ERP44: variants seen among roughly 807,000 people sequenced by gnomAD.
ERP44 encodes the protein endoplasmic reticulum resident protein 44.
A neutral mutation model predicts 53.4 loss-of-function variants in ERP44; 25 were observed. That is an observed-to-expected ratio of 0.47 (90% CI 0.34 to 0.65). ERP44 has a LOEUF of 0.65. Ranked by LOEUF, ERP44 falls within the 30% of genes least tolerant of loss-of-function variation. The probability of loss-of-function intolerance (pLI) is 0.01; values close to 1 mark genes in which losing one functional copy is unlikely to be tolerated. For synonymous variants in ERP44, 145 were observed against 161.2 expected (o/e 0.90, Z 0.76); for missense variants, 338 against 493.2 (o/e 0.69, Z 2.98).
At chr9:100,009,006 G>A (rs1340353090) in intron 8 of ERP44, among the ~76,000 whole-genome samples, 1 of 152,136 alleles carries the variant, frequency 6.6e-6, no homozygotes, top group Non-Finnish European at 1.5e-5. Flanking sequence ...GCCTCCCAAA[G>A]TGCTGGAATT....
chr9:100,007,660 G>A lies in ERP44; in HGVS notation c.792C>T (p.Leu264=), dbSNP rs779608928. 8.1e-6 allele frequency: 13 copies of A among 1,598,492 alleles called. No individual in the cohort carries two copies. Among genetic ancestry groups the A allele is most frequent in the Non-Finnish European group, 9.4e-6 (11 of 1,165,828 alleles). ...TATCTTCTTTCATGTGAAAGAGTATGAGAAAAGGCAGTCCTTCTTCTGTCA... is the reference window on the plus strand; with the variant it reads ...TATCTTCTTTCATGTGAAAGAGTATAAGAAAAGGCAGTCCTTCTTCTGTCA... ...EELTEEGLPF[L]ILFHMKEDTE... Residue 264 remains leucine, a synonymous_variant, in exon 9 of 12, where the codon CTC becomes CTT. Coordinates refer to ENST00000262455, the MANE Select transcript of ERP44 (RefSeq NM_015051.3).
At chr9:99,982,820 A>C in intron 11 of ERP44, 107 bp from the exon 12 acceptor site, 1 of 532,658 alleles carries the variant, frequency 1.9e-6, no homozygotes, top group Non-Finnish European at 3.0e-6. Flanking sequence ...TTATTTGCTT[A>C]TTAATCAATA....
chr9:100,065,766 T>C (rs533034905), intron 1 of ERP44, among the ~76,000 whole-genome samples: 16 of 152,318 alleles, frequency 1.1e-4, no homozygotes, highest in Middle Eastern at 3.4e-3. Context: ...AATAAATGAT[T>C]TGAGACTTTC....
intron 1 of ERP44, among the ~76,000 whole-genome samples, chr9:100,094,918 G>A (rs1234085962): frequency 6.6e-6 from 1 of 151,004 alleles, no homozygotes; most frequent in Non-Finnish European, 1.5e-5. Flanking sequence ...GCTGCAGTGA[G>A]CTGTGATCAC....
chr9:100,035,507 C>T (rs1016950920), intron 4 of ERP44, among the ~76,000 whole-genome samples: 1 of 152,034 alleles, frequency 6.6e-6, no homozygotes, highest in African/African-American at 2.4e-5. Flanking sequence ...GAAACGCCAT[C>T]TCTACTAAAA....
intron 1 of ERP44, among the ~76,000 whole-genome samples, chr9:100,061,300 C>T (rs918559763): frequency 2.0e-5 from 3 of 151,478 alleles, no homozygotes; most frequent in African/African-American, 4.9e-5. Flanking sequence ...AAAAATTAGC[C>T]GGGCATGGTG....
chr9:100,069,746 T>C (rs1035263373), intron 1 of ERP44, among the ~76,000 whole-genome samples: 1 of 152,162 alleles, frequency 6.6e-6, no homozygotes, highest in Non-Finnish European at 1.5e-5. Flanking sequence ...ATATAGATAA[T>C]ACAAATCCTT....
intron 5 of ERP44, among the ~76,000 whole-genome samples, chr9:100,021,727 C>T (rs1396936877): frequency 2.6e-5 from 4 of 152,194 alleles, no homozygotes; most frequent in Non-Finnish European, 5.9e-5. Context: ...AAGCTCTCCA[C>T]AAGAAAAATA....
chr9:100,026,295 T>C (rs1167343179), intron 4 of ERP44, among the ~76,000 whole-genome samples: 3 of 152,176 alleles, frequency 2.0e-5, no homozygotes, highest in African/African-American at 7.2e-5. Context: ...CCTGCAACCC[T>C]GTATCAAGAC....
chr9:100,034,155 A>G (rs1297354187), intron 4 of ERP44, among the ~76,000 whole-genome samples: 1 of 152,206 alleles, frequency 6.6e-6, no homozygotes, highest in Non-Finnish European at 1.5e-5. Context: ...GGTTGGCACA[A>G]GATACAGATC....
chr9:100,043,479 G>A (rs772424139), intron 4 of ERP44, among the ~76,000 whole-genome samples: 3 of 151,932 alleles, frequency 2.0e-5, no homozygotes, highest in Non-Finnish European at 4.4e-5. Flanking sequence ...TTTTGGCCTG[G>A]CGCAGTGGCT....
intron 3 of ERP44, among the ~76,000 whole-genome samples, chr9:100,053,746 T>A (rs1379941500): frequency 2.6e-5 from 4 of 152,210 alleles, no homozygotes; most frequent in Admixed American, 2.6e-4. Flanking sequence ...AGGGACCCAA[T>A]AAGAAGGGGA....
rs1158028183 is a variant in ERP44 at position 100,025,727 on chromosome 9, G to A, written c.287-3501C>T. Among the ~76,000 whole-genome samples, 3 of 152,056 alleles carry A rather than the reference G, an allele frequency of 2.0e-5. No individual in the cohort carries two copies. The South Asian group carries it at 6.2e-4, about 32-fold the overall frequency. The stretch of plus-strand genomic sequence containing the variant: ...CAGCTTTCATGCTGAGATCAAAAAA[G>A]AAAAAAGATGCCTGCTATCACTTCT... On this transcript the variant is annotated intron_variant, in intron 4 of 11. Transcript: ENST00000262455.
At chr9:100,064,952 C>T (rs1262452322) in intron 1 of ERP44, among the ~76,000 whole-genome samples, 1 of 152,060 alleles carries the variant, frequency 6.6e-6, no homozygotes, top group Non-Finnish European at 1.5e-5. Flanking sequence ...AACGTTTATA[C>T]AGTTAAAAAG....
intron 1 of ERP44, among the ~76,000 whole-genome samples, 191 bp from the exon 2 acceptor site, chr9:100,060,363 C>A (rs991339192): frequency 1.1e-4 from 16 of 152,004 alleles, no homozygotes; most frequent in African/African-American, 3.4e-4. Context: ...GCTTCTCAAA[C>A]CTAGAAATTG....
intron 1 of ERP44, among the ~76,000 whole-genome samples, chr9:100,062,009 T>C (rs537880491): frequency 3.9e-5 from 6 of 152,320 alleles, no homozygotes; most frequent in African/African-American, 1.4e-4. Flanking sequence ...CTGACATTAC[T>C]CTAAAGTAGG....
intron 6 of ERP44, among the ~76,000 whole-genome samples, chr9:100,020,409 A>T (rs529201744): frequency 1.4e-4 from 22 of 152,332 alleles, no homozygotes; most frequent in Non-Finnish European, 1.5e-5. Context: ...TCTTGCCCAC[A>T]TTCTGAAATA....
intron 1 of ERP44, among the ~76,000 whole-genome samples, chr9:100,088,844 A>G (rs754743730): frequency 3.3e-5 from 5 of 152,208 alleles, no homozygotes; most frequent in Non-Finnish European, 4.4e-5. Context: ...TAGTCTATAT[A>G]TATTCAAGCG....
intron 9 of ERP44, among the ~76,000 whole-genome samples, chr9:100,007,011 T>C (rs916337059): frequency 1.3e-5 from 2 of 152,244 alleles, no homozygotes; most frequent in Non-Finnish European, 2.9e-5. Context: ...TTCCAGCCTA[T>C]TCCAGTCATA....
Sources: gnomAD v4.1 joint callset for allele counts (sites outside exome capture counted in the v4.1 genomes callset) on GRCh38, gnomAD v4.1.1 for gene constraint, MANE v1.5 for transcripts, NCBI Gene and HGNC (gene_info 2026-07-23, HGNC 2026-07-21) for gene names.